Variants in TNRC6C observed in about 807,000 individuals in gnomAD.
TNRC6C encodes the protein trinucleotide repeat-containing gene 6C protein.
A neutral mutation model predicts 153.7 loss-of-function variants in TNRC6C; 20 were observed. The observed-to-expected ratio is 0.13, with a 90% CI of 0.09 to 0.19. TNRC6C has a LOEUF of 0.19. Among genes scored for constraint, TNRC6C ranks in the 10% least tolerant of loss-of-function variants. The pLI, the probability that TNRC6C is intolerant of heterozygous loss-of-function variation, is 1.00. For synonymous variants in TNRC6C, 811 were observed against 841.4 expected, an observed-to-expected ratio of 0.96 and a Z score of 0.63; for missense variants, 1,987 against 2,172.0, an observed-to-expected ratio of 0.91 and a Z score of 1.69.
In TNRC6C at chr17:78,053,035, G is replaced by T. The variant is rs559648178; in HGVS notation, c.2395+1578G>T. Among the ~76,000 whole-genome samples, 57 of 152,274 alleles carry T rather than the reference G, an allele frequency of 3.7e-4. 1 individual carries two copies. Among genetic ancestry groups the T allele is most frequent in the South Asian group, 2.7e-3 (13 of 4,818 alleles). Reference sequence around the variant, plus strand: ...CATTGGATTCACATGGCAGCAGTCAGTCAGAGCCACTTGCCTTCATAAGGG... The same window carrying T: ...CATTGGATTCACATGGCAGCAGTCATTCAGAGCCACTTGCCTTCATAAGGG... On this transcript the variant is annotated intron_variant, in intron 3 of 19. Coordinates refer to ENST00000301624, the Ensembl canonical transcript of TNRC6C.
intron 1 of TNRC6C, among the ~76,000 whole-genome samples, chr17:77,981,448 A>G (rs2071076371): frequency 6.6e-6 from 1 of 152,174 alleles, no homozygotes; most frequent in Non-Finnish European, 1.5e-5. Context: ...CTATCAGTCA[A>G]CTCATTAGCA....
In TNRC6C at chr17:78,104,998, C is replaced by T. The variant is rs2073666938; in HGVS notation, c.*153C>T. The T allele has an allele frequency of 9.5e-7, 1 of 1,052,818 alleles. No individual in the cohort carries two copies. Among genetic ancestry groups the T allele is most frequent in the African/African-American group, 1.7e-5 (1 of 60,148 alleles). 65.2% of individuals were successfully genotyped at this position (1,052,818 alleles called of 1,614,324 possible). ...GAACCTTGGCCGCAGTCCTTGCGAA[C>T]TGTTCGCAAAACAGTGCGGGCTGCG... On this transcript the variant is annotated 3_prime_UTR_variant, in exon 20 of 20. Coordinates refer to ENST00000301624, the Ensembl canonical transcript of TNRC6C. The surrounding 1 kb of genome is among the most constrained non-coding windows in gnomAD (Gnocchi z 6.2).
intron 1 of TNRC6C, among the ~76,000 whole-genome samples, chr17:77,988,295 C>T (rs1438824527): frequency 6.6e-6 from 1 of 152,192 alleles, no homozygotes; most frequent in African/African-American, 2.4e-5. Flanking sequence ...GGGAGAGTCA[C>T]TTGAGCCCAG....
intron 7 of TNRC6C, among the ~76,000 whole-genome samples, chr17:78,073,463 A>C (rs2073033389): frequency 6.6e-6 from 1 of 152,256 alleles, no homozygotes; most frequent in Admixed American, 6.5e-5. Flanking sequence ...GGGCCACCAG[A>C]AGCGTTGCCT....
chr17:78,085,167 G>T (rs1456701135), intron 11 of TNRC6C, among the ~76,000 whole-genome samples: 1 of 152,156 alleles, frequency 6.6e-6, no homozygotes, highest in African/African-American at 2.4e-5. Context: ...TGCAGGCATT[G>T]CTGCAGCCCT....
chr17:78,077,032 C>A, intron 8 of TNRC6C, 153 bp from the exon 11 acceptor site: 1 of 795,574 alleles, frequency 1.3e-6, no homozygotes, highest in Non-Finnish European at 1.9e-6. Context: ...TTCCCCTCTT[C>A]CTTTTGCACA....
In TNRC6C at chr17:78,071,947, A is replaced by G. The variant is rs563209889; in HGVS notation, c.2859+782A>G. Among the ~76,000 whole-genome samples the G allele has an allele frequency of 5.3e-5, 8 of 152,296 alleles. No homozygotes were observed. In the South Asian group the frequency reaches 6.2e-4, roughly 12 times the overall value. ...CCCTGAAAATACCACAGTCTGTTCA[A>G]TTCCTGAGATTGGATGGCAGTTCAG... On this transcript the variant is annotated intron_variant, in intron 6 of 19. Transcript: ENST00000301624.
At chr17:78,027,070 C>T (rs1259903215) in intron 1 of TNRC6C, among the ~76,000 whole-genome samples, 4 of 152,002 alleles carry the variant, frequency 2.6e-5, no homozygotes, top group Non-Finnish European at 4.4e-5. Context: ...AGGAAACCTG[C>T]CAAGGGGGAT....
At chr17:78,056,361 T>G (rs1359579171) in intron 3 of TNRC6C, among the ~76,000 whole-genome samples, 1 of 151,984 alleles carries the variant, frequency 6.6e-6, no homozygotes, top group African/African-American at 2.4e-5. Flanking sequence ...TTTCACCATG[T>G]TGGCCAGGCT....
chr17:78,057,641 A>G (rs1369441306), intron 3 of TNRC6C, among the ~76,000 whole-genome samples: 1 of 152,092 alleles, frequency 6.6e-6, no homozygotes, highest in South Asian at 2.1e-4. Context: ...ACTTGTGACT[A>G]CTTCATGAAG....
At chr17:78,091,659 G>T (rs138674463) in intron 14 of TNRC6C, 52 bp downstream of exon 16, 14,804 of 1,381,144 alleles carry the variant, frequency 0.011, 146 homozygotes, top group South Asian at 0.035. Flanking sequence ...CTTATTAATC[G>T]ATCGTCCTGT....
Position 77,960,714 on chromosome 17 carries a change from A to G in TNRC6C, c.-38+1446A>G, listed in dbSNP as rs552597333. On this transcript the variant is annotated intron_variant, in intron 1 of 22. Coordinates refer to the TNRC6C transcript ENST00000636222. ...ACCTTGAAGAAATTTACATTGTTCC[A>G]GAACAGCAGAGGTGGCAATGGTCTT... Among the ~76,000 whole-genome samples the G allele has an allele frequency of 2.6e-5, 4 of 152,334 alleles. No individual in the cohort carries two copies. The South Asian group carries it at 8.3e-4, about 32-fold the overall frequency.
chr17:78,078,442 CCATTT>C (rs1409058142), intron 9 of TNRC6C, among the ~76,000 whole-genome samples: 2 of 152,318 alleles, frequency 1.3e-5, no homozygotes, highest in Non-Finnish European at 2.9e-5. Flanking sequence ...TCAGTTCATT[CCATTT>C]CAAGGTTTGT....
chr17:78,016,927 G>A (rs949446027), intron 1 of TNRC6C, among the ~76,000 whole-genome samples: 1 of 152,186 alleles, frequency 6.6e-6, no homozygotes, highest in Admixed American at 6.5e-5. Flanking sequence ...ACTGAAGGAT[G>A]GAGAAGCTAA....
intron 1 of TNRC6C, among the ~76,000 whole-genome samples, chr17:77,977,682 T>C (rs2071019725): frequency 6.6e-6 from 1 of 152,156 alleles, no homozygotes; most frequent in Admixed American, 6.5e-5. Flanking sequence ...CCTTTCATGC[T>C]TTTAATATTT....
At chr17:78,101,631 T>TAATAA (rs2073596571) in intron 17 of TNRC6C, among the ~76,000 whole-genome samples, 1 of 152,106 alleles carries the variant, frequency 6.6e-6, no homozygotes, top group Non-Finnish European at 1.5e-5. Context: ...ACCCACGTAT[T>TAATAA]TATTAACAGC....
intron 1 of TNRC6C, among the ~76,000 whole-genome samples, chr17:77,985,878 A>G (rs2071159462): frequency 6.6e-6 from 1 of 152,182 alleles, no homozygotes; most frequent in Non-Finnish European, 1.5e-5. Flanking sequence ...TCTGACTACC[A>G]AAACAGGAAA....
chr17:78,084,625 T>TG (rs1174928422), intron 11 of TNRC6C, among the ~76,000 whole-genome samples: 5 of 149,668 alleles, frequency 3.3e-5, no homozygotes, highest in Non-Finnish European at 5.9e-5. Context: ...CTTTTTCTTT[T>TG]TTTTTTTTTT....
At chr17:77,996,104 A>G (rs2071324404) in intron 1 of TNRC6C, among the ~76,000 whole-genome samples, 2 of 152,202 alleles carry the variant, frequency 1.3e-5, no homozygotes. Flanking sequence ...CATATTTGTA[A>G]TGGACATGTT....
Sources: allele counts gnomAD v4.1 joint callset (sites outside exome capture counted in the v4.1 genomes callset), GRCh38; gene constraint gnomAD v4.1.1; non-coding constraint Gnocchi (gnomAD v3.1); transcripts MANE v1.5; gene names NCBI Gene and HGNC (gene_info 2026-07-23, HGNC 2026-07-21).